RHOT2: variants seen among roughly 807,000 people sequenced by gnomAD.
RHOT2 encodes the protein ras homolog family member T2, also known as mitochondrial Rho GTPase 2.
Under a neutral mutation model 81.6 loss-of-function variants are expected in RHOT2, and 90 were observed. The observed-to-expected ratio is 1.10, with a 90% CI of 0.93 to 1.31. The LOEUF (loss-of-function observed/expected upper bound fraction) is 1.31. Ranked by LOEUF, RHOT2 falls within the 40% of genes most tolerant of loss-of-function variation. The probability of loss-of-function intolerance (pLI) is 0.00; values close to 1 mark genes in which losing one functional copy is unlikely to be tolerated. For synonymous variants in RHOT2, 512 were observed against 370.9 expected (o/e 1.38, Z -4.37); for missense variants, 1,014 against 841.9 (o/e 1.20, Z -2.53).
chr16:673,768 A>T lies in RHOT2; in HGVS notation c.*162A>T, dbSNP rs948294636. On this transcript the variant is annotated 3_prime_UTR_variant, in exon 19 of 19. Coordinates refer to ENST00000315082, the MANE Select transcript of RHOT2 (RefSeq NM_138769.3). ...GGCAGTCGATCTGCAGCGGGGCCTT[A>T]TGCTGCCATGCACTGCCCTGGCTCC... 11 of 873,448 alleles carry T rather than the reference A, an allele frequency of 1.3e-5. No homozygotes were observed. In the South Asian group the frequency reaches 1.6e-4, roughly 13 times the overall value. The allele number at this position is 873,448 out of a possible 1,614,324, so 54.1% of individuals were successfully genotyped here.
intron 4 of RHOT2, chr16:669,315 A>G: frequency 1.7e-6 from 1 of 573,572 alleles, no homozygotes; most frequent in South Asian, 2.0e-5. Flanking sequence ...GGCGGGGAAG[A>G]GGCTTCTCTG....
chr16:672,833 C>T lies in RHOT2; in HGVS notation c.1527+8C>T, dbSNP rs893550993. ...TGTGCCAGCGTCTACAAGGTGGGGC[C>T]CTGCAGGGGCCACGTGGCCATGGGG... On this transcript the variant is annotated splice_region_variant and intron_variant, in intron 17 of 18. Transcript: ENST00000315082. 1.2e-6 allele frequency: 2 copies of T among 1,612,596 alleles called. No homozygotes were observed. Among genetic ancestry groups the T allele is most frequent in the Non-Finnish European group, 1.7e-6 (2 of 1,179,964 alleles).
In RHOT2 at chr16:671,748, GT is replaced by G. The variant is rs1328227241; in HGVS notation, c.924del (p.Phe308LeufsTer61). ...CGGAGCTCAACCACCTTGGCTACCA[GT>G]TTGTGCAGAGAGTGTTTGAGAAGCA... ...STELNHLGYQ[F>X]VQRVFEKHDQ... On this transcript the variant is annotated frameshift_variant, in exon 12 of 19. Transcript: ENST00000315082. LOFTEE classifies it high-confidence loss of function. The G allele has an allele frequency of 6.2e-7, 1 of 1,612,522 alleles. No individual in the cohort carries two copies. Among genetic ancestry groups the G allele is most frequent in the Admixed American group, 1.7e-5 (1 of 60,010 alleles).
intron 4 of RHOT2, 109 bp downstream of exon 4, chr16:668,808 A>T (rs925951882): frequency 8.2e-7 from 1 of 1,225,014 alleles, no homozygotes; most frequent in African/African-American, 1.6e-5. Flanking sequence ...TGGCCCTGAT[A>T]ATTCTGTGAC....
Position 668,689 on chromosome 16 carries a change from A to G in RHOT2, c.212A>G (p.Glu71Gly). The G allele has an allele frequency of 1.2e-6, 2 of 1,602,216 alleles. No individual in the cohort carries two copies. Among genetic ancestry groups the G allele is most frequent in the Non-Finnish European group, 1.7e-6 (2 of 1,175,610 alleles). The part of the protein sequence containing the change: ...AEQTDEELRE[E>G]IHKANVVCVV... The stretch of plus-strand genomic sequence containing the variant: ...CAGACGGACGAGGAGCTGCGGGAGG[A>G]GATCCACAAGGTACCCGTGGTGCGC... The change falls in exon 4 of 19, where the codon GAG becomes GGG. Residue 71 changes from glutamate to glycine, a missense_variant. Physicochemically the swap from Glu to Gly is moderately conservative, Grantham distance 98. Coordinates refer to ENST00000315082, the MANE Select transcript of RHOT2 (RefSeq NM_138769.3).
chr16:673,426 G>A (rs1266910158), intron 18 of RHOT2, 54 bp from the exon 19 acceptor site: 1 of 1,608,714 alleles, frequency 6.2e-7, no homozygotes, highest in East Asian at 2.2e-5. Flanking sequence ...GTGCCCAGCA[G>A]CAAGCTGGGG....
intron 11 of RHOT2, among the ~76,000 whole-genome samples, chr16:671,491 G>A (rs1357962300): frequency 6.6e-6 from 1 of 152,178 alleles, no homozygotes; most frequent in Admixed American, 6.5e-5. Context: ...GGTGTGGCCT[G>A]TGGGCCTCAG....
intron 4 of RHOT2, chr16:668,947 C>T (rs2151442315): frequency 1.9e-6 from 1 of 533,196 alleles, no homozygotes; most frequent in African/African-American, 2.0e-5. Context: ...GCCGGGGTGG[C>T]AGCAGCGTTT....
chr16:673,363 C>G, intron 18 of RHOT2, 117 bp from the exon 19 acceptor site: 2 of 1,493,858 alleles, frequency 1.3e-6, no homozygotes, highest in Admixed American at 1.8e-5. Context: ...CCGGCTGTGC[C>G]TCTGGTCTGG....
rs1187702584 is a variant in RHOT2 at position 668,214 on chromosome 16, G to A, written c.15G>A (p.Val5=). The A allele has an allele frequency of 7.3e-6, 4 of 545,318 alleles. No homozygotes were observed. The highest frequency in any genetic ancestry group is 3.2e-5 in the East Asian group (1 of 31,346). 33.8% of individuals were successfully genotyped at this position (545,318 alleles called of 1,614,324 possible). A position where few individuals can be genotyped will look rare whatever the true frequency, so the allele number is the denominator to read the frequency against. Residue 5 remains valine (V), a synonymous_variant, in exon 1 of 19, where the codon GTG becomes GTA. Coordinates refer to ENST00000315082, the MANE Select transcript of RHOT2 (RefSeq NM_138769.3). ...GGGCGGCAGCTATGAGGCGGGACGTGCGCATCCTGTTACTGGGCGAGGGTA... is the reference window on the plus strand; with the variant it reads ...GGGCGGCAGCTATGAGGCGGGACGTACGCATCCTGTTACTGGGCGAGGGTA... MRRD[V]RILLLGEAQV...
chr16:669,530 A>T, intron 4 of RHOT2, 23 bp from the exon 5 acceptor site: 7 of 1,610,192 alleles, frequency 4.3e-6, no homozygotes, highest in Non-Finnish European at 5.9e-6. Context: ...CCTGTCACCC[A>T]CACCTCATCA....
Position 671,941 on chromosome 16 carries a change from CCACGCACAGTCCGCACAG to C in RHOT2, c.1037_1054del (p.Pro346_Glu352delinsGln). On this transcript the variant is annotated inframe_deletion, in exon 13 of 19. Coordinates refer to ENST00000315082, the MANE Select transcript of RHOT2 (RefSeq NM_138769.3). The stretch of plus-strand genomic sequence containing the variant: ...AGCAGCGCCCTGGGGCCCCGAGCTC[CCACGCACAGTCCGCACAG>C]AGGCCGGCCGGTTGCCCCTGCACGG... 1.9e-6 allele frequency: 3 copies of C among 1,612,368 alleles called. No individual in the cohort carries two copies. Among genetic ancestry groups the C allele is most frequent in the Non-Finnish European group, 2.5e-6 (3 of 1,179,840 alleles).
chr16:669,905 C>G (rs1232352189), intron 5 of RHOT2: 2 of 615,068 alleles, frequency 3.3e-6, no homozygotes, highest in South Asian at 2.0e-5. Context: ...GGCTTGGGCC[C>G]CAGTGACTTG....
In RHOT2 at chr16:672,169, C is replaced by T. The variant is rs201102853; in HGVS notation, c.1183C>T (p.His395Tyr). Reference sequence around the variant, plus strand: ...CACCCTCTGTGAGCAGGACCAGGCCCATGCCATCACAGGTAGGCACCCACC... The same window carrying T: ...CACCCTCTGTGAGCAGGACCAGGCCTATGCCATCACAGGTAGGCACCCACC... ...YPTLCEQDQA[H>Y]AITVTREKRL... Residue 395 changes from histidine to tyrosine, a missense_variant, in exon 14 of 19, where the codon CAT becomes TAT. His to Tyr is a moderately conservative substitution (Grantham distance 83). Coordinates refer to ENST00000315082, the MANE Select transcript of RHOT2 (RefSeq NM_138769.3). 3.1e-6 allele frequency: 5 copies of T among 1,612,754 alleles called. No individual in the cohort carries two copies. The East Asian group carries it at 8.9e-5, about 29-fold the overall frequency.
intron 11 of RHOT2, 181 bp downstream of exon 11, chr16:671,384 C>T (rs2038907656): frequency 2.6e-6 from 2 of 775,064 alleles, no homozygotes; most frequent in South Asian, 2.1e-5. Flanking sequence ...CTGAACCCCT[C>T]AGCATCCACA....
In RHOT2 at chr16:672,197, CCCTGGG is replaced by C. The variant is rs778596912; in HGVS notation, c.1195+25_1195+30del. On this transcript the variant is annotated intron_variant, in intron 14 of 18. Transcript: ENST00000315082. Reference sequence around the variant, plus strand: ...GCCATCACAGGTAGGCACCCACCCTCCCTGGGCCTGGGCCCAGTATCCTGGCAGCTG... The same window carrying C: ...GCCATCACAGGTAGGCACCCACCCTCCCTGGGCCCAGTATCCTGGCAGCTG... The C allele has an allele frequency of 1.9e-6, 3 of 1,612,616 alleles. No homozygotes were observed. The South Asian group carries it at 3.3e-5, about 18-fold the overall frequency.
chr16:669,290 C>T (rs1279782765), intron 4 of RHOT2: 2 of 564,466 alleles, frequency 3.5e-6, no homozygotes, highest in East Asian at 3.0e-5. Context: ...GCCTGGTGTC[C>T]CTGCACTGGC....
At position 670,758 on chromosome 16, in the gene RHOT2, G is replaced by A. The variant is rs1361771867; in HGVS notation, c.624G>A (p.Glu208=). The change falls in exon 9 of 19, where the codon GAG becomes GAA. Residue 208 remains glutamate, a synonymous_variant. Transcript: ENST00000315082. ...TGGACCAGGCGCTCAGTGACGAAGA[G>A]CTCAACGCTTTCCAGGTGTGCCCCT... The part of the protein sequence containing the change: ...QDLDQALSDE[E]LNAFQKSCFG... 9 of 1,612,064 alleles carry A rather than the reference G, an allele frequency of 5.6e-6. No homozygotes were observed. The highest frequency in any genetic ancestry group is 6.8e-6 in the Non-Finnish European group (8 of 1,179,926).
Position 670,238 on chromosome 16 carries a change from C to T in RHOT2, c.330-11C>T, listed in dbSNP as rs1452465041. 1 of 1,611,968 alleles carries T rather than the reference C, an allele frequency of 6.2e-7. No individual in the cohort carries two copies. Among genetic ancestry groups the T allele is most frequent in the Non-Finnish European group, 8.5e-7 (1 of 1,179,512 alleles). On this transcript the variant is annotated splice_polypyrimidine_tract_variant and intron_variant, in intron 6 of 18. Transcript: ENST00000315082. ...TCCCCTGCCCCTGGTGACCATGGGC[C>T]TTCAACCCAGGGTGCCCATCATCCT...
Sources: allele counts gnomAD v4.1 joint callset (sites outside exome capture counted in the v4.1 genomes callset), GRCh38; gene constraint gnomAD v4.1.1; transcripts MANE v1.5; gene names NCBI Gene and HGNC (gene_info 2026-07-23, HGNC 2026-07-21).